The following FARS2 variants were observed in gnomAD, a reference collection of about 807,000 sequenced individuals.
FARS2 encodes phenylalanyl-tRNA synthetase 2, mitochondrial.
FARS2 carries 40 observed loss-of-function variants against 46.4 expected under a neutral mutation model. The observed-to-expected ratio is 0.86, with a 90% confidence interval of 0.67 to 1.12. FARS2 has a LOEUF of 1.12. FARS2 is among the 50% of genes most tolerant of loss of function. The probability of loss-of-function intolerance (pLI) is 0.00; values close to 1 mark genes in which losing one functional copy is unlikely to be tolerated. For missense variants in FARS2, 513 were observed against 567.9 expected (o/e 0.90, Z 0.98); for synonymous variants, 234 against 214.9 (o/e 1.09, Z -0.78).
rs945973009 is a variant in FARS2, at chr6:5,594,962, G to A, written c.1066-18207G>A. Among the ~76,000 whole-genome samples the A allele has an allele frequency of 5.3e-5, 8 of 152,176 alleles. No homozygotes were observed. The East Asian group carries it at 1.2e-3, about 22-fold the overall frequency. On this transcript the variant is annotated intron_variant, in intron 5 of 6. Coordinates refer to ENST00000274680, the MANE Select transcript of FARS2 (RefSeq NM_006567.5). Reference sequence around the variant, plus strand: ...CCAGCCCTTTCTCCTCTGTCCGGCCGGCAGCCTTCCTCCAGGGCCAACTGG... The same window carrying A: ...CCAGCCCTTTCTCCTCTGTCCGGCCAGCAGCCTTCCTCCAGGGCCAACTGG...
At chr6:5,315,999 C>T (rs961860986) in intron 1 of FARS2, among the ~76,000 whole-genome samples, 9 of 152,320 alleles carry the variant, frequency 5.9e-5, no homozygotes, top group South Asian at 2.1e-4. Flanking sequence ...GCAGGGGCTT[C>T]GTTATGGAGA....
At chr6:5,491,973 A>G (rs1239369865) in intron 4 of FARS2, among the ~76,000 whole-genome samples, 1 of 152,042 alleles carries the variant, frequency 6.6e-6, no homozygotes, top group African/African-American at 2.4e-5. Context: ...TACAGGACTT[A>G]GTATCTAACA....
At chr6:5,482,357 G>A (rs1400534977) in intron 4 of FARS2, among the ~76,000 whole-genome samples, 1 of 152,130 alleles carries the variant, frequency 6.6e-6, no homozygotes, top group East Asian at 1.9e-4. Context: ...AACTGACCAG[G>A]ACTGTTGCTG....
chr6:5,349,393 A>C (rs1208232767), intron 1 of FARS2, among the ~76,000 whole-genome samples: 1 of 152,260 alleles, frequency 6.6e-6, no homozygotes, highest in Non-Finnish European at 1.5e-5. Flanking sequence ...TGAAGATGAT[A>C]GTTTTCCCTA....
intron 4 of FARS2, among the ~76,000 whole-genome samples, chr6:5,475,622 A>G (rs1017473287): frequency 6.6e-6 from 1 of 152,092 alleles, no homozygotes; most frequent in Non-Finnish European, 1.5e-5. Flanking sequence ...CCTGCCTCCT[A>G]TTTGGACATC....
chr6:5,718,964 C>T (rs572836500), intron 6 of FARS2, among the ~76,000 whole-genome samples: 2 of 152,266 alleles, frequency 1.3e-5, no homozygotes, highest in African/African-American at 4.8e-5. Context: ...TGTTTCTAAT[C>T]CCACTTTGAG....
chr6:5,597,146 T>A (rs1364875464), intron 5 of FARS2, among the ~76,000 whole-genome samples: 3 of 152,244 alleles, frequency 2.0e-5, no homozygotes, highest in Non-Finnish European at 4.4e-5. Context: ...CAGTACCTTC[T>A]TCTTCTCCCT....
upstream of FARS2, among the ~76,000 whole-genome samples, chr6:5,257,700 T>G (rs1221885644): frequency 1.3e-5 from 2 of 152,204 alleles, no homozygotes; most frequent in African/African-American, 4.8e-5. Flanking sequence ...TGATCTAGGT[T>G]GCATGCTCCT....
intron 4 of FARS2, among the ~76,000 whole-genome samples, chr6:5,448,471 G>T (rs1408321012): frequency 3.4e-5 from 5 of 145,512 alleles, no homozygotes; most frequent in Non-Finnish European, 6.0e-5. Context: ...CATTTTTTCT[G>T]TTTTTTTTTT....
At chr6:5,440,890 A>G (rs1763803555) in intron 4 of FARS2, among the ~76,000 whole-genome samples, 1 of 150,646 alleles carries the variant, frequency 6.6e-6, no homozygotes, top group Non-Finnish European at 1.5e-5. Flanking sequence ...ACATGTTCCC[A>G]GAAGCTGTTG....
At position 5,319,445 on chromosome 6, in the gene FARS2, G is replaced by A. The variant is rs1476085793; in HGVS notation, c.-21-49105G>A. Among the ~76,000 whole-genome samples, 7 of 152,204 alleles carry A rather than the reference G, an allele frequency of 4.6e-5. No homozygotes were observed. In the South Asian group the frequency reaches 6.2e-4, roughly 13 times the overall value. On this transcript the variant is annotated intron_variant, in intron 1 of 6. Coordinates refer to ENST00000274680, the MANE Select transcript of FARS2 (RefSeq NM_006567.5). ...ATGCATGTGGCCCCTCCCAAGTGCC[G>A]GCAGGCCACTGCGTTTGCAGACAGC... is the stretch of plus-strand genomic sequence containing the variant.
chr6:5,512,817 G>C (rs778958613), intron 4 of FARS2, among the ~76,000 whole-genome samples: 29 of 152,138 alleles, frequency 1.9e-4, no homozygotes, highest in Non-Finnish European at 4.3e-4. Flanking sequence ...GGTGTCATTA[G>C]TAGGCATAAA....
intron 5 of FARS2, among the ~76,000 whole-genome samples, chr6:5,612,214 ATAC>A (rs1391677100): frequency 6.6e-6 from 1 of 152,222 alleles, no homozygotes; most frequent in Non-Finnish European, 1.5e-5. Context: ...AGTTCTTCAG[ATAC>A]TTTGCCATTT....
intron 4 of FARS2, among the ~76,000 whole-genome samples, chr6:5,483,884 T>C (rs1766622365): frequency 6.6e-6 from 1 of 152,018 alleles, no homozygotes; most frequent in African/African-American, 2.4e-5. Context: ...AAGTGGTTCA[T>C]GGAGTAATTT....
intron 4 of FARS2, among the ~76,000 whole-genome samples, chr6:5,444,858 A>G (rs562903013): frequency 6.6e-6 from 1 of 152,282 alleles, no homozygotes; most frequent in East Asian, 1.9e-4. Context: ...TACAATTCCC[A>G]GTTTCCAAGG....
At chr6:5,342,188 A>G (rs1581831298) in intron 1 of FARS2, among the ~76,000 whole-genome samples, 1 of 152,240 alleles carries the variant, frequency 6.6e-6, no homozygotes, top group East Asian at 1.9e-4. Flanking sequence ...ATTAAAAGAT[A>G]GATATCCTCA....
At chr6:5,255,894 T>C in the FARS2 span, among the ~76,000 whole-genome samples, 1 of 152,168 alleles carries the variant, frequency 6.6e-6, no homozygotes, top group African/African-American at 2.4e-5. Context: ...CTAACCTAAA[T>C]AGTATTCCTA....
At chr6:5,748,159 C>G (rs1761743260) in intron 6 of FARS2, among the ~76,000 whole-genome samples, 1 of 152,326 alleles carries the variant, frequency 6.6e-6, no homozygotes, top group Non-Finnish European at 1.5e-5. Flanking sequence ...CCATCACTAT[C>G]CCTGCTGTGG....
intron 6 of FARS2, among the ~76,000 whole-genome samples, chr6:5,642,434 T>G (rs1776865933): frequency 6.6e-6 from 1 of 152,166 alleles, no homozygotes; most frequent in Admixed American, 6.5e-5. Context: ...AATGATACCT[T>G]ATGCCAAGGT....
Sources: allele counts gnomAD v4.1 joint callset (sites outside exome capture counted in the v4.1 genomes callset), GRCh38; gene constraint gnomAD v4.1.1; transcripts MANE v1.5; gene names NCBI Gene and HGNC (gene_info 2026-07-23, HGNC 2026-07-21).